Variants in ZBTB46 observed in about 807,000 individuals in gnomAD.
ZBTB46 encodes the protein zinc finger and BTB domain-containing protein 46.
Under a neutral mutation model 44.1 loss-of-function variants are expected in ZBTB46, and 8 were observed. The ratio of observed to expected loss-of-function variants is 0.18; its 90% CI spans 0.11 to 0.33. The LOEUF is 0.33. ZBTB46 is among the 10% of genes least tolerant of loss of function. The pLI, the probability that ZBTB46 is intolerant of heterozygous loss-of-function variation, is 1.00. For synonymous variants in ZBTB46, 409 were observed against 382.3 expected (o/e 1.07, Z -0.81); for missense variants, 651 against 847.7 (o/e 0.77, Z 2.88).
chr20:63,819,177 G>C (rs532027507), intron 1 of ZBTB46, among the ~76,000 whole-genome samples: 1 of 152,256 alleles, frequency 6.6e-6, no homozygotes, highest in African/African-American at 2.4e-5. Flanking sequence ...TGTCTGAGAA[G>C]AGAAGAGCAT....
intron 3 of ZBTB46, among the ~76,000 whole-genome samples, chr20:63,772,225 A>C (rs1314215008): frequency 6.6e-6 from 1 of 151,860 alleles, no homozygotes; most frequent in Admixed American, 6.6e-5. Context: ...TGAACTACTG[A>C]CCTCAGGTGA....
chr20:63,796,336 G>C (rs115214404), intron 1 of ZBTB46, among the ~76,000 whole-genome samples: 2,213 of 152,310 alleles, frequency 0.015, 43 homozygotes, highest in African/African-American at 0.05. Flanking sequence ...GCAGCGCCTG[G>C]CACGCGGCGT....
chr20:63,797,701 G>T (rs1342430036), intron 1 of ZBTB46, among the ~76,000 whole-genome samples: 1 of 152,180 alleles, frequency 6.6e-6, no homozygotes, highest in Non-Finnish European at 1.5e-5. Context: ...CATTCTAACT[G>T]GTGTGAGATG....
intron 1 of ZBTB46, among the ~76,000 whole-genome samples, chr20:63,798,156 C>T (rs2092617264): frequency 1.3e-5 from 2 of 152,168 alleles, no homozygotes; most frequent in Admixed American, 6.5e-5. Context: ...TTTAATCCAT[C>T]TTGAATTAAT....
chr20:63,815,190 A>AG, intron 1 of ZBTB46: 5 of 233,094 alleles, frequency 2.1e-5, no homozygotes, highest in Non-Finnish European at 4.4e-5. Flanking sequence ...GCCCAGGTGC[A>AG]GTGGGCGCAG....
chr20:63,793,227 A>T (rs2092575294), intron 1 of ZBTB46, among the ~76,000 whole-genome samples: 1 of 152,134 alleles, frequency 6.6e-6, no homozygotes, highest in South Asian at 2.1e-4. Flanking sequence ...TGTGGGTGCG[A>T]GCAGAACAAG....
upstream of ZBTB46, among the ~76,000 whole-genome samples, chr20:63,832,025 C>T (rs1165704888): frequency 6.6e-6 from 1 of 152,052 alleles, no homozygotes; most frequent in African/African-American, 2.4e-5. This position sits in a 1 kb window ranked among gnomAD's most constrained non-coding sequence, Gnocchi z 5.0. Flanking sequence ...CAGTGGGGCT[C>T]GCTTTTGGCT....
At position 63,746,854 on chromosome 20, in the gene ZBTB46, C is replaced by A; in HGVS notation, c.*76G>T. On this transcript the variant is annotated 3_prime_UTR_variant, in exon 5 of 5. Coordinates refer to ENST00000245663, the MANE Select transcript of ZBTB46 (RefSeq NM_001369741.1). ...CGAGAGGGGTGAGCGTGGCCCTGGC[C>A]CCGCAGTGGAGACCCACCGGACACA... 7.0e-7 allele frequency: 1 copy of A among 1,423,250 alleles called. No individual in the cohort carries two copies. The highest frequency in any genetic ancestry group is 9.2e-7 in the Non-Finnish European group (1 of 1,092,122). 88.2% of individuals were successfully genotyped at this position (1,423,250 alleles called of 1,614,324 possible). A position where few individuals can be genotyped will look rare whatever the true frequency, so the allele number is the denominator to read the frequency against.
chr20:63,780,966 TAA>T (rs59209531), intron 2 of ZBTB46, among the ~76,000 whole-genome samples: 111 of 135,314 alleles, frequency 8.2e-4, no homozygotes, highest in Admixed American at 4.0e-3. Flanking sequence ...CCATCTCTAC[TAA>T]AAAAAAAAAA....
chr20:63,771,204 CAGGGAGCGG>C (rs2092368419), intron 3 of ZBTB46, among the ~76,000 whole-genome samples: 1 of 152,220 alleles, frequency 6.6e-6, no homozygotes, highest in Non-Finnish European at 1.5e-5. Context: ...TCTCTTCCGA[CAGGGAGCGG>C]AGGAGAGAGG....
chr20:63,812,505 T>C (rs184447194), intron 1 of ZBTB46, among the ~76,000 whole-genome samples: 5 of 150,120 alleles, frequency 3.3e-5, no homozygotes, highest in East Asian at 3.9e-4. Context: ...AGCCAGGCAA[T>C]GTGGTGCGCG....
intron 1 of ZBTB46, among the ~76,000 whole-genome samples, chr20:63,810,567 G>A (rs1042507019): frequency 1.3e-5 from 2 of 152,038 alleles, no homozygotes; most frequent in Admixed American, 6.5e-5. Flanking sequence ...CCTACATAAC[G>A]AAACTCTGTC....
intron 3 of ZBTB46, among the ~76,000 whole-genome samples, chr20:63,759,436 G>A (rs919045713): frequency 6.6e-6 from 1 of 151,706 alleles, no homozygotes. Flanking sequence ...TGTTGCCCAG[G>A]CTGGTCTTGA....
chr20:63,819,840 GC>G (rs2092781212), intron 1 of ZBTB46, among the ~76,000 whole-genome samples: 1 of 152,132 alleles, frequency 6.6e-6, no homozygotes, highest in African/African-American at 2.4e-5. Context: ...CACGGGACAC[GC>G]ATTTCACCGT....
At position 63,806,407 on chromosome 20, in the gene ZBTB46, C is replaced by CA. The variant is rs58233169; in HGVS notation, c.-33-15618dup. On this transcript the variant is annotated intron_variant, in intron 1 of 4. Coordinates refer to ENST00000245663, the MANE Select transcript of ZBTB46 (RefSeq NM_001369741.1). ...AGGCAACAACAGTGAAACTCCATCT[C>CA]AAAAAAAAAAAAAAAAGAAAGAAAA... Among the ~76,000 whole-genome samples the CA allele has an allele frequency of 7.1e-3, 648 of 91,336 alleles. 2 individuals carry two copies. The highest frequency in any genetic ancestry group is 8.1e-3 in the Non-Finnish European group (355 of 43,998). 59.9% of individuals were successfully genotyped at this position (91,336 alleles called of 152,430 possible). A position where few individuals can be genotyped will look rare whatever the true frequency, so the allele number is the denominator to read the frequency against.
chr20:63,831,075 A>C (rs1263286175), intron 1 of ZBTB46, 22 bp downstream of exon 1: 1 of 136,654 alleles, frequency 7.3e-6, no homozygotes, highest in Non-Finnish European at 1.6e-5. Context: ...GGCCGCGCGG[A>C]CAATGAGCCG....
intron 1 of ZBTB46, among the ~76,000 whole-genome samples, chr20:63,805,021 A>G (rs2092672742): frequency 6.6e-6 from 1 of 150,884 alleles, no homozygotes; most frequent in Non-Finnish European, 1.5e-5. Context: ...CCCGGGTTCA[A>G]TTGATTCTCC....
chr20:63,746,824 G>A lies in ZBTB46; in HGVS notation c.*106C>T. 1 of 1,405,370 alleles carries A rather than the reference G, an allele frequency of 7.1e-7. No homozygotes were observed. Among genetic ancestry groups the A allele is most frequent in the Non-Finnish European group, 9.2e-7 (1 of 1,081,262 alleles). The allele number at this position is 1,405,370 out of a possible 1,614,324, so 87.1% of individuals were successfully genotyped here. A position where few individuals can be genotyped will look rare whatever the true frequency, so the allele number is the denominator to read the frequency against. On this transcript the variant is annotated 3_prime_UTR_variant, in exon 5 of 5. Coordinates refer to ENST00000245663, the MANE Select transcript of ZBTB46 (RefSeq NM_001369741.1). ...TGGGTTCAGGGGGAAGCAGAGGAGG[G>A]GCCGCGAGAGGGGTGAGCGTGGCCC...
intron 3 of ZBTB46, among the ~76,000 whole-genome samples, chr20:63,763,264 T>C (rs2092292485): frequency 6.6e-6 from 1 of 152,250 alleles, no homozygotes; most frequent in South Asian, 2.1e-4. Flanking sequence ...ATTTGTCCTT[T>C]ATGCTTTTTG....
Sources: gnomAD v4.1 joint callset for allele counts (sites outside exome capture counted in the v4.1 genomes callset) on GRCh38, gnomAD v4.1.1 for gene constraint, Gnocchi (gnomAD v3.1) non-coding constraint, MANE v1.5 for transcripts, NCBI Gene and HGNC (gene_info 2026-07-23, HGNC 2026-07-21) for gene names.